TJAP1: variants seen among roughly 807,000 people sequenced by gnomAD.
The protein encoded by TJAP1 is tight junction-associated protein 1.
In TJAP1, 27 loss-of-function variants were observed where a neutral mutation model predicts 42.0. The ratio of observed to expected loss-of-function variants is 0.64; its 90% confidence interval spans 0.47 to 0.89. The LOEUF is 0.89. Among genes scored for constraint, TJAP1 ranks in the 40% least tolerant of loss-of-function variants. The probability of loss-of-function intolerance (pLI) is 0.00; values close to 1 mark genes in which losing one functional copy is unlikely to be tolerated. For missense variants in TJAP1, 712 were observed against 726.9 expected (o/e 0.98, Z 0.24); for synonymous variants, 257 against 288.4 (o/e 0.89, Z 1.10).
At chr6:43,490,987 C>T (rs1562252194) in intron 2 of TJAP1, among the ~76,000 whole-genome samples, 1 of 152,182 alleles carries the variant, frequency 6.6e-6, no homozygotes, top group Non-Finnish European at 1.5e-5. Context: ...TGGTGTTCCA[C>T]ACAGGTCACT....
At chr6:43,501,765 C>G (rs1790693625) in intron 6 of TJAP1, 78 bp downstream of exon 6, 1 of 657,824 alleles carries the variant, frequency 1.5e-6, no homozygotes, top group South Asian at 1.7e-5. Flanking sequence ...CACACTCTCT[C>G]TGTCTCTCTC....
At chr6:43,482,144 C>T (rs577241304) in intron 2 of TJAP1, among the ~76,000 whole-genome samples, 1 of 152,292 alleles carries the variant, frequency 6.6e-6, no homozygotes, top group East Asian at 1.9e-4. Context: ...CGTGCTGAAA[C>T]GTGTTATCTC....
rs762939002 is a variant in TJAP1 at position 43,505,550 on chromosome 6, G to A, written c.1369G>A (p.Val457Ile). ...TAGCCCCGCTGACAGAGATGAGGTG[G>A]TCCAGGCACCTTCTGCCCGACCCGA... Residue 457 changes from valine to isoleucine, a missense_variant, in exon 11 of 11, where the codon GTC becomes ATC. Val to Ile is a conservative substitution (Grantham distance 29, BLOSUM62 3). Coordinates refer to ENST00000372449, the Ensembl canonical transcript of TJAP1. The surrounding 1 kb of genome is among the most constrained non-coding windows in gnomAD (Gnocchi z 5.5). 1.2e-6 allele frequency: 2 copies of A among 1,613,884 alleles called. No individual in the cohort carries two copies. The highest frequency in any genetic ancestry group is 1.7e-6 in the Non-Finnish European group (2 of 1,180,040).
At chr6:43,485,029 C>T (rs954962859) in intron 2 of TJAP1, among the ~76,000 whole-genome samples, 4 of 152,212 alleles carry the variant, frequency 2.6e-5, no homozygotes, top group Admixed American at 6.5e-5. Flanking sequence ...CGCCCAGCCT[C>T]CCCATCTCTT....
Position 43,491,415 on chromosome 6 carries a change from C to T in TJAP1, c.-121-6466C>T, listed in dbSNP as rs749984228. On this transcript the variant is annotated intron_variant, in intron 2 of 10. Coordinates refer to ENST00000372449, the Ensembl canonical transcript of TJAP1. The surrounding 1 kb of genome is among the most constrained non-coding windows in gnomAD (Gnocchi z 4.6). ...AAGCGATTCTCTTACCTCAGCCTCC[C>T]GAGTAGCTGGGATTACAGGCATGCG... is the stretch of plus-strand genomic sequence containing the variant. 1.3e-5 allele frequency among the ~76,000 whole-genome samples: 2 copies of T among 152,066 alleles called. No individual in the cohort carries two copies. Among genetic ancestry groups the T allele is most frequent in the Admixed American group, 6.5e-5 (1 of 15,272 alleles).
intron 4 of TJAP1, among the ~76,000 whole-genome samples, chr6:43,499,804 T>C (rs1790098287): frequency 6.6e-6 from 1 of 152,250 alleles, no homozygotes; most frequent in Non-Finnish European, 1.5e-5. Flanking sequence ...TCAGGCATAC[T>C]GTAGCCTGCT....
Position 43,491,428 on chromosome 6 carries a change from T to C in TJAP1, c.-121-6453T>C, listed in dbSNP as rs1227581799. On this transcript the variant is annotated intron_variant, in intron 2 of 10. Transcript: ENST00000372449. This position sits in a 1 kb window ranked among gnomAD's most constrained non-coding sequence, Gnocchi z 4.6. ...ACCTCAGCCTCCCGAGTAGCTGGGA[T>C]TACAGGCATGCGCCACCACGCCCGG... Among the ~76,000 whole-genome samples, 1 of 152,094 alleles carries C rather than the reference T, an allele frequency of 6.6e-6. No individual in the cohort carries two copies. The highest frequency in any genetic ancestry group is 1.5e-5 in the Non-Finnish European group (1 of 67,998).
In TJAP1 at chr6:43,485,211, T is replaced by C. The variant is rs1037467117; in HGVS notation, c.-122+6979T>C. 5.9e-5 allele frequency among the ~76,000 whole-genome samples: 9 copies of C among 152,336 alleles called. No individual in the cohort carries two copies. The East Asian group carries it at 7.7e-4, about 13-fold the overall frequency. ...TCCATGTTTCCCCATATTTTATGGATTGAAAAATGGGTGAATCTGATGGAA... is the reference window on the plus strand; with the variant it reads ...TCCATGTTTCCCCATATTTTATGGACTGAAAAATGGGTGAATCTGATGGAA... On this transcript the variant is annotated intron_variant, in intron 2 of 10. Coordinates refer to ENST00000372449, the Ensembl canonical transcript of TJAP1.
At position 43,499,114 on chromosome 6, in the gene TJAP1, G is replaced by A. The variant is rs751448904; in HGVS notation, c.99+14G>A. The stretch of plus-strand genomic sequence containing the variant: ...CTTGAGCAGGAGGTCAGCAAGACTG[G>A]TATCACAGCCTGACCGGCAGAGGCA... On this transcript the variant is annotated intron_variant, in intron 4 of 10. Transcript: ENST00000372449. The A allele has an allele frequency of 6.2e-7, 1 of 1,613,070 alleles. No individual in the cohort carries two copies. The highest frequency in any genetic ancestry group is 8.5e-7 in the Non-Finnish European group (1 of 1,179,850).
rs114076539 is a variant in TJAP1 at position 43,480,366 on chromosome 6, A to G, written c.-122+2134A>G. ...CATTAGGCTATTTAAGGCAATGTTAAAATGCCAGTGATTTCCTGTTTGAAG... is the reference window on the plus strand; with the variant it reads ...CATTAGGCTATTTAAGGCAATGTTAGAATGCCAGTGATTTCCTGTTTGAAG... On this transcript the variant is annotated intron_variant, in intron 2 of 10. Coordinates refer to ENST00000372449, the Ensembl canonical transcript of TJAP1. Among the ~76,000 whole-genome samples the G allele has an allele frequency of 3.2e-3, 484 of 152,330 alleles. 5 individuals are homozygous for G. Among genetic ancestry groups the G allele is most frequent in the African/African-American group, 0.011 (450 of 41,578 alleles).
chr6:43,488,063 G>T (rs1786957813), intron 2 of TJAP1, among the ~76,000 whole-genome samples: 1 of 152,058 alleles, frequency 6.6e-6, no homozygotes, highest in African/African-American at 2.4e-5. Flanking sequence ...TAGAGACGGG[G>T]GTTTCACCAT....
chr6:43,501,835 A>T, intron 6 of TJAP1, 148 bp downstream of exon 6: 1 of 579,788 alleles, frequency 1.7e-6, no homozygotes. Flanking sequence ...TGCCTTAGAG[A>T]TCATCTAATT....
intron 2 of TJAP1, among the ~76,000 whole-genome samples, chr6:43,479,617 T>C (rs1163992606): frequency 6.6e-6 from 1 of 152,072 alleles, no homozygotes; most frequent in Non-Finnish European, 1.5e-5. Flanking sequence ...TGATGGCACC[T>C]GTGAATACCC....
chr6:43,483,036 C>CTT (rs1486700345), intron 2 of TJAP1, among the ~76,000 whole-genome samples: 1 of 151,956 alleles, frequency 6.6e-6, no homozygotes, highest in Non-Finnish European at 1.5e-5. Flanking sequence ...GCAGGAGAAT[C>CTT]ACTTGAACCC....
At chr6:43,498,144 G>C (rs1327256052) in intron 3 of TJAP1, among the ~76,000 whole-genome samples, 167 bp downstream of exon 3, 1 of 152,220 alleles carries the variant, frequency 6.6e-6, no homozygotes, top group South Asian at 2.1e-4. Context: ...CTTGGGCCTT[G>C]AGACTCCCAC....
chr6:43,506,168 TGAG>T (rs765404221), exon 11 of TJAP1: 29 of 287,938 alleles, frequency 1.0e-4, no homozygotes, highest in African/African-American at 1.5e-4. Context: ...TCTGGGGAGC[TGAG>T]GAGTTTATCA....
intron 7 of TJAP1, 31 bp downstream of exon 7, chr6:43,502,380 C>T (rs1791129397): frequency 1.9e-6 from 3 of 1,609,112 alleles, no homozygotes; most frequent in African/African-American, 1.3e-5. Context: ...GCTTGGTGGG[C>T]ACTGTGCTCA....
Position 43,505,528 on chromosome 6 carries a change from C to T in TJAP1, c.1347C>T (p.Ser449=). 6.2e-7 allele frequency: 1 copy of T among 1,613,908 alleles called. No homozygotes were observed. The highest frequency in any genetic ancestry group is 1.3e-5 in the African/African-American group (1 of 75,058). The change falls in exon 11 of 11, where the codon AGC becomes AGT. Residue 449 remains serine (S), a synonymous_variant. Transcript: ENST00000372449. The surrounding 1 kb of genome is among the most constrained non-coding windows in gnomAD (Gnocchi z 5.5). ...AGCTGCAGCGCCATTTTGCCCATAGCCCCGCTGACAGAGATGAGGTGGTCC... is the reference window on the plus strand; with the variant it reads ...AGCTGCAGCGCCATTTTGCCCATAGTCCCGCTGACAGAGATGAGGTGGTCC...
intron 2 of TJAP1, among the ~76,000 whole-genome samples, chr6:43,481,771 C>T (rs577299082): frequency 2.6e-5 from 4 of 152,248 alleles, no homozygotes; most frequent in Admixed American, 2.0e-4. Context: ...CCCAAGGTTT[C>T]ATTGACTGGC....
Sources: gnomAD v4.1 joint callset for allele counts (sites outside exome capture counted in the v4.1 genomes callset) on GRCh38, gnomAD v4.1.1 for gene constraint, Gnocchi (gnomAD v3.1) non-coding constraint, MANE v1.5 for transcripts, NCBI Gene and HGNC (gene_info 2026-07-23, HGNC 2026-07-21) for gene names.